The following MICAL3 variants were observed in gnomAD, a reference collection of about 807,000 sequenced individuals.
The protein encoded by MICAL3 is [F-actin]-monooxygenase MICAL3.
In MICAL3, 62 loss-of-function variants were observed where a neutral mutation model predicts 207.4. That is an observed-to-expected ratio of 0.30 (90% CI 0.24 to 0.37). The LOEUF (loss-of-function observed/expected upper bound fraction) is 0.37. Ranked by LOEUF, MICAL3 falls within the 10% of genes least tolerant of loss-of-function variation. The pLI, the probability that MICAL3 is intolerant of heterozygous loss-of-function variation, is 1.00. For synonymous variants in MICAL3, 1,077 were observed against 1,069.3 expected (o/e 1.01, Z -0.14); for missense variants, 2,368 against 2,635.6 (o/e 0.90, Z 2.22).
At chr22:17,965,092 G>A (rs934831000) in intron 1 of MICAL3, among the ~76,000 whole-genome samples, 8 of 150,440 alleles carry the variant, frequency 5.3e-5, no homozygotes, top group African/African-American at 2.0e-4. Flanking sequence ...GGAAATCCAT[G>A]CATCCGCTGC....
intron 29 of MICAL3, among the ~76,000 whole-genome samples, chr22:17,801,421 G>A (rs1166609887): frequency 4.0e-5 from 2 of 49,768 alleles, no homozygotes; most frequent in Non-Finnish European, 6.6e-5. Flanking sequence ...CCAAAGTGCT[G>A]GGATTACAGG....
At position 17,872,003 on chromosome 22, in the gene MICAL3, G is replaced by A. The variant is rs1197051964; in HGVS notation, c.2262C>T (p.Phe754=). ...IRRQGSMKKE[F]PQNLGGSDTC... Reference sequence around the variant, plus strand: ...TGTCGCTGCCTCCCAGGTTCTGCGGGAACTCCTTCTTCATGGAGCCCTGCA... The same window carrying A: ...TGTCGCTGCCTCCCAGGTTCTGCGGAAACTCCTTCTTCATGGAGCCCTGCA... Residue 754 remains phenylalanine (F), a synonymous_variant, in exon 17 of 32, where the codon TTC becomes TTT. Transcript: ENST00000441493. 1 of 1,606,526 alleles carries A rather than the reference G, an allele frequency of 6.2e-7. No homozygotes were observed. The highest frequency in any genetic ancestry group is 2.2e-5 in the East Asian group (1 of 44,672).
chr22:17,946,913 C>G (rs1934097601), intron 1 of MICAL3, among the ~76,000 whole-genome samples: 1 of 152,146 alleles, frequency 6.6e-6, no homozygotes. Context: ...CCCAGCTGAA[C>G]CACATGATAC....
intron 1 of MICAL3, among the ~76,000 whole-genome samples, chr22:17,982,053 C>T (rs560723446): frequency 1.3e-5 from 2 of 151,896 alleles, no homozygotes; most frequent in East Asian, 1.9e-4. Context: ...TACAGTGAGC[C>T]GAGACTGCAC....
At chr22:17,798,871 C>G (rs1405014398) in intron 29 of MICAL3, among the ~76,000 whole-genome samples, 1 of 151,490 alleles carries the variant, frequency 6.6e-6, no homozygotes, top group African/African-American at 2.4e-5. Flanking sequence ...GATGGGGTTT[C>G]ACCATGTTAG....
At chr22:17,909,595 G>A (rs1931981105) in intron 1 of MICAL3, among the ~76,000 whole-genome samples, 1 of 152,190 alleles carries the variant, frequency 6.6e-6, no homozygotes, top group Non-Finnish European at 1.5e-5. Context: ...ATGGCCAAGA[G>A]GCCAGCAAGA....
chr22:17,801,948 A>G (rs2061944797), intron 29 of MICAL3, among the ~76,000 whole-genome samples: 1 of 152,164 alleles, frequency 6.6e-6, no homozygotes, highest in Admixed American at 6.6e-5. Context: ...AAACAAAGAA[A>G]GCAGGAGATG....
At chr22:18,011,742 A>G (rs187447973) in intron 1 of MICAL3, among the ~76,000 whole-genome samples, 1 of 149,794 alleles carries the variant, frequency 6.7e-6, no homozygotes, top group Non-Finnish European at 1.5e-5. Flanking sequence ...CAAAAAAAAA[A>G]TTAGCTGGGT....
chr22:17,872,160 C>T (rs762340577), intron 16 of MICAL3, 137 bp from the exon 17 acceptor site: 97 of 708,572 alleles, frequency 1.4e-4, no homozygotes, highest in Admixed American at 5.1e-4. Flanking sequence ...TAACTGGCTA[C>T]GGTCAACTGT....
rs1242373085 is a variant in MICAL3 at position 17,818,279 on chromosome 22, G to T, written c.4382C>A (p.Pro1461Gln). The change falls in exon 26 of 32, where the codon CCA (proline) becomes CAA (glutamine). Residue 1461 changes from proline (P) to glutamine (Q), a missense_variant. Transcript: ENST00000441493. Reference sequence around the variant, plus strand: ...GGGCTCCTCGCCCGGGGGTGGCGGTGGGGGCGGGCTGGAGGGGGGCGTGAG... The same window carrying T: ...GGGCTCCTCGCCCGGGGGTGGCGGTTGGGGCGGGCTGGAGGGGGGCGTGAG... The part of the protein sequence containing the change: ...AMLTPPSSPP[P>Q]PPPPGEEPAT... 1 of 1,510,390 alleles carries T rather than the reference G, an allele frequency of 6.6e-7. No homozygotes were observed. The highest frequency in any genetic ancestry group is 8.8e-7 in the Non-Finnish European group (1 of 1,134,234). 93.6% of individuals were successfully genotyped at this position (1,510,390 alleles called of 1,614,324 possible).
At chr22:17,835,900 T>G (rs1311545436) in intron 20 of MICAL3, among the ~76,000 whole-genome samples, 1 of 152,232 alleles carries the variant, frequency 6.6e-6, no homozygotes, top group Non-Finnish European at 1.5e-5. Context: ...AGCAGGAATG[T>G]GCCAGGGGCT....
At chr22:17,954,396 A>G (rs918320116) in intron 1 of MICAL3, among the ~76,000 whole-genome samples, 1 of 151,950 alleles carries the variant, frequency 6.6e-6, no homozygotes, top group African/African-American at 2.4e-5. Flanking sequence ...CATCAGGGGG[A>G]AGGAGATTCT....
intron 27 of MICAL3, chr22:17,813,985 T>C (rs1391607988): frequency 6.6e-6 from 1 of 152,252 alleles, no homozygotes; most frequent in Non-Finnish European, 1.5e-5. Context: ...AAATTTTCTA[T>C]AATAAACATT....
At chr22:17,850,400 GTTTTTTTT>G (rs565667574) in intron 19 of MICAL3, among the ~76,000 whole-genome samples, 30 of 74,412 alleles carry the variant, frequency 4.0e-4, no homozygotes, top group African/African-American at 6.0e-4. Context: ...TTTTGAATTA[GTTTTTTTT>G]TTTTTTTTTT....
intron 1 of MICAL3, among the ~76,000 whole-genome samples, chr22:17,967,463 AACACACACACACAC>A (rs71184751): frequency 1.6e-5 from 2 of 126,052 alleles, no homozygotes; most frequent in South Asian, 2.4e-4. Flanking sequence ...TGTACATGCA[AACACACACACACAC>A]ACACACACAC....
chr22:18,007,024 T>C (rs1479804731), intron 1 of MICAL3: 2 of 146,146 alleles, frequency 1.4e-5, no homozygotes, highest in African/African-American at 5.1e-5. Context: ...GCCCGGCTAA[T>C]TTTTGTATTT....
At chr22:17,826,310 G>T in intron 22 of MICAL3, 1 of 253,398 alleles carries the variant, frequency 3.9e-6, no homozygotes, top group Non-Finnish European at 6.2e-6. Context: ...GGGCTGTCTG[G>T]CAAGGCATGC....
intron 19 of MICAL3, among the ~76,000 whole-genome samples, chr22:17,844,632 T>C (rs148408915): frequency 6.6e-6 from 1 of 152,232 alleles, no homozygotes; most frequent in Non-Finnish European, 1.5e-5. Flanking sequence ...AATGGTGTGA[T>C]GAAGGGGCAA....
At chr22:17,804,419 G>A (rs1321191230) in intron 29 of MICAL3, among the ~76,000 whole-genome samples, 1 of 152,240 alleles carries the variant, frequency 6.6e-6, no homozygotes, top group Non-Finnish European at 1.5e-5. Flanking sequence ...TTTGCCGAAT[G>A]GGTTTGAGAG....
Sources: allele counts gnomAD v4.1 joint callset (sites outside exome capture counted in the v4.1 genomes callset), GRCh38; gene constraint gnomAD v4.1.1; transcripts MANE v1.5; gene names NCBI Gene and HGNC (gene_info 2026-07-23, HGNC 2026-07-21).